CRTC3: variants seen among roughly 807,000 people sequenced by gnomAD.
CRTC3 encodes the protein CREB regulated transcription coactivator 3.
Under a neutral mutation model 74.5 loss-of-function variants are expected in CRTC3, and 26 were observed. The ratio of observed to expected loss-of-function variants is 0.35; its 90% CI spans 0.26 to 0.48. The LOEUF is 0.48. CRTC3 is among the 20% of genes least tolerant of loss of function. CRTC3 has a pLI of 0.99. For synonymous variants in CRTC3, 377 were observed against 325.8 expected (o/e 1.16, Z -1.69); for missense variants, 760 against 787.3 (o/e 0.97, Z 0.41).
At chr15:90,571,278 G>A (rs1195903770) in intron 2 of CRTC3, among the ~76,000 whole-genome samples, 1 of 152,150 alleles carries the variant, frequency 6.6e-6, no homozygotes, top group South Asian at 2.1e-4. Context: ...GATTGTGTCC[G>A]AGTGGTGCCT....
intron 2 of CRTC3, among the ~76,000 whole-genome samples, chr15:90,550,335 G>T (rs934008727): frequency 1.3e-5 from 2 of 151,624 alleles, no homozygotes; most frequent in Admixed American, 6.6e-5. Context: ...GCTTGAACCC[G>T]GGAGGTGGAA....
At chr15:90,556,133 A>T (rs1049138560) in intron 2 of CRTC3, among the ~76,000 whole-genome samples, 1 of 152,080 alleles carries the variant, frequency 6.6e-6, no homozygotes, top group African/African-American at 2.4e-5. Flanking sequence ...TCATTAAAAT[A>T]CTTTATAAGT....
chr15:90,620,205 G>A (rs1968606063), intron 9 of CRTC3: 1 of 196,822 alleles, frequency 5.1e-6, no homozygotes. Flanking sequence ...TAATGGCACA[G>A]AAGTTAATTA....
intron 2 of CRTC3, among the ~76,000 whole-genome samples, chr15:90,544,005 G>C (rs145316261): frequency 1.3e-5 from 2 of 152,226 alleles, no homozygotes; most frequent in Admixed American, 1.3e-4. Flanking sequence ...GTGGTTGCGT[G>C]TGTTAGTTTC....
intron 11 of CRTC3, among the ~76,000 whole-genome samples, chr15:90,635,975 T>C (rs576672092): frequency 3.5e-4 from 53 of 152,106 alleles, no homozygotes; most frequent in Non-Finnish European, 6.2e-4. Flanking sequence ...AAAATGGCCA[T>C]ACTGCCCAAG....
chr15:90,572,209 T>C (rs907723082), intron 2 of CRTC3, among the ~76,000 whole-genome samples: 3 of 151,438 alleles, frequency 2.0e-5, no homozygotes. Context: ...CTTAGGTATC[T>C]TTCTATGTCA....
At chr15:90,538,790 G>A (rs1237351440) in intron 1 of CRTC3, among the ~76,000 whole-genome samples, 1 of 80,410 alleles carries the variant, frequency 1.2e-5, no homozygotes, top group Non-Finnish European at 3.1e-5. Context: ...TTTTTTTTGA[G>A]TTTGTAATTA....
intron 2 of CRTC3, among the ~76,000 whole-genome samples, chr15:90,589,335 G>A (rs555742685): frequency 2.6e-4 from 40 of 152,030 alleles, no homozygotes; most frequent in Middle Eastern, 6.8e-3. Flanking sequence ...GATTACAGGC[G>A]TGAGCCATGG....
At chr15:90,634,663 G>C (rs900441223) in intron 11 of CRTC3, 1 of 577,036 alleles carries the variant, frequency 1.7e-6, no homozygotes, top group Non-Finnish European at 3.1e-6. Context: ...ACAGGACACT[G>C]AGGGGCTGTC....
At chr15:90,547,112 T>C (rs4363847) in intron 2 of CRTC3, among the ~76,000 whole-genome samples, 2,105 of 152,356 alleles carry the variant, frequency 0.014, 42 homozygotes, top group South Asian at 0.039. Context: ...TATTGATATA[T>C]TTTTGATTGA....
chr15:90,535,762 T>G (rs890698624), intron 1 of CRTC3, among the ~76,000 whole-genome samples: 1 of 152,222 alleles, frequency 6.6e-6, no homozygotes, highest in Non-Finnish European at 1.5e-5. Context: ...TTGAGGACTT[T>G]CCTTTTGCGA....
At chr15:90,556,988 A>C (rs1415520508) in intron 2 of CRTC3, among the ~76,000 whole-genome samples, 2 of 141,120 alleles carry the variant, frequency 1.4e-5, no homozygotes, top group African/African-American at 2.6e-5. Flanking sequence ...ATATATATAT[A>C]TATATATATA....
intron 1 of CRTC3, chr15:90,539,470 A>G (rs775124945): frequency 6.6e-6 from 1 of 152,366 alleles, no homozygotes; most frequent in African/African-American, 2.4e-5. Flanking sequence ...GAGAGCCACC[A>G]AAAGGCCCAT....
At chr15:90,590,136 C>A (rs1967765942) in intron 2 of CRTC3, among the ~76,000 whole-genome samples, 2 of 150,938 alleles carry the variant, frequency 1.3e-5, no homozygotes, top group East Asian at 3.9e-4. Context: ...ACTAAAAATA[C>A]AAAAAAATTA....
chr15:90,619,749 C>G lies in CRTC3; in HGVS notation c.708C>G (p.Ser236=), dbSNP rs1968591711. ...KQLWETKEIQ[S]LSGRPRSCDV... is the part of the protein sequence containing the mutation. ...TCATTGTCTCTTCTCAGATTCAGTC[C>G]CTGTCAGGACGCCCTCGATCCTGTG... Residue 236 remains serine, a synonymous_variant, in exon 9 of 15, where the codon TCC becomes TCG. Coordinates refer to ENST00000268184, the MANE Select transcript of CRTC3 (RefSeq NM_022769.5). 1.9e-6 allele frequency: 3 copies of G among 1,613,766 alleles called. No individual in the cohort carries two copies. Among genetic ancestry groups the G allele is most frequent in the Non-Finnish European group, 1.7e-6 (2 of 1,179,740 alleles).
chr15:90,617,270 C>A (rs1968518117), intron 7 of CRTC3, among the ~76,000 whole-genome samples: 1 of 152,134 alleles, frequency 6.6e-6, no homozygotes, highest in Non-Finnish European at 1.5e-5. Flanking sequence ...GGCTTCCACT[C>A]GTTTTTTCCT....
intron 2 of CRTC3, among the ~76,000 whole-genome samples, chr15:90,573,211 G>A (rs1188321064): frequency 6.6e-6 from 1 of 152,188 alleles, no homozygotes; most frequent in East Asian, 1.9e-4. Flanking sequence ...CAAGTCACAG[G>A]TGTTGCCTCT....
At chr15:90,598,227 AG>A in intron 3 of CRTC3, 1 of 571,146 alleles carries the variant, frequency 1.8e-6, no homozygotes, top group Non-Finnish European at 3.1e-6. Flanking sequence ...CTGACCGCAC[AG>A]GGACGGGAAG....
chr15:90,634,303 G>A (rs866345299), intron 11 of CRTC3, among the ~76,000 whole-genome samples: 1 of 151,872 alleles, frequency 6.6e-6, no homozygotes, highest in South Asian at 2.1e-4. Context: ...TAGTAGAGAC[G>A]GGATTTCACC....
Sources: gnomAD v4.1 joint callset for allele counts (sites outside exome capture counted in the v4.1 genomes callset) on GRCh38, gnomAD v4.1.1 for gene constraint, MANE v1.5 for transcripts, NCBI Gene and HGNC (gene_info 2026-07-23, HGNC 2026-07-21) for gene names.